The following VRK2 variants were observed in gnomAD, a reference collection of about 807,000 sequenced individuals.
VRK2 encodes the protein VRK serine/threonine kinase 2.
A neutral mutation model predicts 57.6 loss-of-function variants in VRK2; 60 were observed. That is an observed-to-expected ratio of 1.04 (90% CI 0.85 to 1.29). The LOEUF is 1.29. VRK2 is among the 50% of genes most tolerant of loss of function. The probability of loss-of-function intolerance (pLI) is 0.00; values close to 1 mark genes in which losing one functional copy is unlikely to be tolerated. For synonymous variants in VRK2, 231 were observed against 199.2 expected, an observed-to-expected ratio of 1.16 and a Z score of -1.35; for missense variants, 705 against 588.1, an observed-to-expected ratio of 1.20 and a Z score of -2.06.
chr2:58,052,050 G>A (rs1675822893), intron 2 of VRK2, among the ~76,000 whole-genome samples: 1 of 152,138 alleles, frequency 6.6e-6, no homozygotes, highest in Non-Finnish European at 1.5e-5. Context: ...CTATAATGCT[G>A]GGTATAACAC....
At chr2:58,013,923 A>T (rs1401693109) in intron 1 of VRK2, among the ~76,000 whole-genome samples, 1 of 151,834 alleles carries the variant, frequency 6.6e-6, no homozygotes, top group Non-Finnish European at 1.5e-5. Context: ...TAAAATATTC[A>T]TAATAATTTC....
chr2:57,966,974 A>G (rs190011966), intron 1 of VRK2, among the ~76,000 whole-genome samples: 4 of 152,308 alleles, frequency 2.6e-5, no homozygotes, highest in Admixed American at 6.5e-5. Context: ...AGAGTCTAGT[A>G]GAAACGTTCG....
At chr2:57,953,973 C>T (rs1322004422) in intron 1 of VRK2, among the ~76,000 whole-genome samples, 1 of 152,130 alleles carries the variant, frequency 6.6e-6, no homozygotes, top group Non-Finnish European at 1.5e-5. Context: ...GGCAAAACTT[C>T]TTTTCCCATG....
chr2:58,118,546 G>A (rs548753686), intron 7 of VRK2, among the ~76,000 whole-genome samples: 12 of 152,270 alleles, frequency 7.9e-5, no homozygotes, highest in South Asian at 4.1e-4. Flanking sequence ...AAAAGAGGCC[G>A]CTTACCGGAT....
At chr2:58,033,434 A>C (rs1674177070) in exon 3 of VRK2, 2 of 152,048 alleles carry the variant, frequency 1.3e-5, no homozygotes, top group Admixed American at 1.3e-4. Context: ...GACACAAGTC[A>C]AGGAATTCAG....
chr2:58,074,345 G>GTTATGC (rs1669783650), intron 2 of VRK2, among the ~76,000 whole-genome samples: 1 of 151,784 alleles, frequency 6.6e-6, no homozygotes, highest in South Asian at 2.1e-4. Context: ...TTTTCTATTT[G>GTTATGC]TTATGCTTGT....
intron 4 of VRK2, 94 bp downstream of exon 4, chr2:58,085,044 C>G (rs1671428164): frequency 5.2e-6 from 6 of 1,157,064 alleles, no homozygotes; most frequent in South Asian, 1.6e-5. Context: ...CTGGAAAATT[C>G]TTTTCAATAG....
chr2:57,986,053 G>A (rs558119402), intron 1 of VRK2, among the ~76,000 whole-genome samples: 1 of 152,128 alleles, frequency 6.6e-6, no homozygotes, highest in African/African-American at 2.4e-5. Flanking sequence ...TACTTAAAAA[G>A]ATTATGTTCT....
At chr2:58,059,404 T>C (rs1677005541) in intron 2 of VRK2, among the ~76,000 whole-genome samples, 1 of 151,998 alleles carries the variant, frequency 6.6e-6, no homozygotes, top group Non-Finnish European at 1.5e-5. Flanking sequence ...TGATATGATT[T>C]TAATAAGCAC....
chr2:58,063,244 T>G (rs1172079256), intron 2 of VRK2, among the ~76,000 whole-genome samples: 11 of 150,658 alleles, frequency 7.3e-5, no homozygotes, highest in Admixed American at 6.6e-4. Context: ...CAGTTTTGTT[T>G]TTTTTTTTTT....
intron 1 of VRK2, among the ~76,000 whole-genome samples, chr2:57,956,259 C>T (rs972231994): frequency 1.3e-5 from 2 of 152,010 alleles, no homozygotes. Context: ...GTGATGCATG[C>T]CTGTAGTACT....
intron 11 of VRK2, 146 bp downstream of exon 11, chr2:58,139,978 A>G: frequency 1.2e-6 from 1 of 809,424 alleles, no homozygotes; most frequent in Non-Finnish European, 1.8e-6. Flanking sequence ...GCACCAAGAA[A>G]GTTTGTTCCA....
chr2:58,109,138 T>C (rs1234039261), intron 7 of VRK2, among the ~76,000 whole-genome samples: 2 of 152,200 alleles, frequency 1.3e-5, no homozygotes, highest in Admixed American at 6.5e-5. Context: ...TAAAAAAATT[T>C]AGTTCAGTTT....
intron 1 of VRK2, among the ~76,000 whole-genome samples, chr2:58,001,234 T>C (rs1673079976): frequency 6.6e-6 from 1 of 152,236 alleles, no homozygotes; most frequent in South Asian, 2.1e-4. Flanking sequence ...ATAATCAGGT[T>C]TCAAAGTGTA....
intron 1 of VRK2, among the ~76,000 whole-genome samples, chr2:57,927,624 C>G (rs548442444): frequency 6.6e-6 from 1 of 152,292 alleles, no homozygotes; most frequent in South Asian, 2.1e-4. Flanking sequence ...GTAACTATTG[C>G]CACTGAGTTT....
At chr2:57,994,362 T>C (rs1672860339) in intron 1 of VRK2, among the ~76,000 whole-genome samples, 1 of 152,152 alleles carries the variant, frequency 6.6e-6, no homozygotes, top group African/African-American at 2.4e-5. Flanking sequence ...TCAGTGTCAA[T>C]AATCTGGTAA....
chr2:57,954,575 C>G (rs530771971), intron 1 of VRK2, among the ~76,000 whole-genome samples: 1 of 151,948 alleles, frequency 6.6e-6, no homozygotes, highest in East Asian at 1.9e-4. Context: ...TAAAAAAGTT[C>G]CTAAAACTCA....
intron 4 of VRK2, among the ~76,000 whole-genome samples, chr2:58,085,550 T>C (rs1671494751): frequency 6.6e-6 from 1 of 151,932 alleles, no homozygotes; most frequent in Non-Finnish European, 1.5e-5. Context: ...ATAGATGGGC[T>C]AAGAAAAACA....
At chr2:58,076,237 TA>T (rs1280077450) in intron 2 of VRK2, among the ~76,000 whole-genome samples, 1 of 151,524 alleles carries the variant, frequency 6.6e-6, no homozygotes, top group African/African-American at 2.4e-5. Context: ...AAGTCCATCA[TA>T]AATTGAAATT....
Sources: allele counts gnomAD v4.1 joint callset (sites outside exome capture counted in the v4.1 genomes callset), GRCh38; gene constraint gnomAD v4.1.1; transcripts MANE v1.5; gene names NCBI Gene and HGNC (gene_info 2026-07-23, HGNC 2026-07-21).